PSD4: variants seen among roughly 807,000 people sequenced by gnomAD.
PSD4 encodes the protein pleckstrin and Sec7 domain containing 4, also known as PH and SEC7 domain-containing protein 4.
A neutral mutation model predicts 112.5 loss-of-function variants in PSD4; 59 were observed. The ratio of observed to expected loss-of-function variants is 0.52; its 90% CI spans 0.43 to 0.65. The LOEUF is 0.65. PSD4 is among the 30% of genes least tolerant of loss of function. The pLI is 0.00. For synonymous variants in PSD4, 533 were observed against 540.0 expected (o/e 0.99, Z 0.18); for missense variants, 1,267 against 1,352.6 (o/e 0.94, Z 0.99).
Position 113,196,248 on chromosome 2 carries a change from C to G in PSD4, c.2327C>G (p.Pro776Arg), listed in dbSNP as rs1438233927. Residue 776 changes from proline to arginine, a missense_variant, in exon 12 of 17, where the codon CCC becomes CGC. Transcript: ENST00000245796. Reference sequence around the variant, plus strand: ...CAGCTGGCTCAGGATCCCACAGTGCCCACCTACAAGCAGGGCATCCTGGCT... The same window carrying G: ...CAGCTGGCTCAGGATCCCACAGTGCGCACCTACAAGCAGGGCATCCTGGCT... ...FLQLAQDPTV[P>R]TYKQGILARK... The G allele has an allele frequency of 6.2e-7, 1 of 1,614,096 alleles. No individual in the cohort carries two copies. Among genetic ancestry groups the G allele is most frequent in the Non-Finnish European group, 8.5e-7 (1 of 1,179,936 alleles).
intron 15 of PSD4, 35 bp downstream of exon 15, chr2:113,198,919 A>C (rs1293455320): frequency 1.3e-6 from 2 of 1,546,276 alleles, no homozygotes; most frequent in Non-Finnish European, 1.7e-6. Flanking sequence ...GTCCGGCGGA[A>C]CTGGGAATGT....
intron 10 of PSD4, among the ~76,000 whole-genome samples, chr2:113,195,297 A>G (rs995621778): frequency 2.0e-5 from 3 of 151,682 alleles, no homozygotes; most frequent in African/African-American, 7.3e-5. Flanking sequence ...AGTAGCTGGG[A>G]TTACAGGTGT....
chr2:113,193,657 C>T lies in PSD4; in HGVS notation c.2091+7C>T, dbSNP rs200820181. Reference sequence around the variant, plus strand: ...CACGGACCTGCATGGACAGGTAAGACGGTGGAGAGAGTCCCTGTGGGAACT... The same window carrying T: ...CACGGACCTGCATGGACAGGTAAGATGGTGGAGAGAGTCCCTGTGGGAACT... On this transcript the variant is annotated splice_region_variant and intron_variant, in intron 9 of 16. Coordinates refer to ENST00000245796, the MANE Select transcript of PSD4 (RefSeq NM_012455.3). The T allele has an allele frequency of 6.0e-5, 97 of 1,611,840 alleles. No individual in the cohort carries two copies. Among genetic ancestry groups the T allele is most frequent in the Admixed American group, 4.3e-4 (26 of 60,010 alleles).
intron 11 of PSD4, 29 bp from the exon 12 acceptor site, chr2:113,196,118 C>G: frequency 3.8e-6 from 6 of 1,594,762 alleles, no homozygotes; most frequent in Non-Finnish European, 5.1e-6. Flanking sequence ...GCATAGTCAG[C>G]ACTTCCAGCC....
At chr2:113,180,305 C>T (rs1390636699) in intron 1 of PSD4, among the ~76,000 whole-genome samples, 2 of 152,230 alleles carry the variant, frequency 1.3e-5, no homozygotes, top group African/African-American at 4.8e-5. Flanking sequence ...CAGGCTTATC[C>T]ACTCAGTTGT....
chr2:113,199,116 G>A lies in PSD4; in HGVS notation c.2803G>A (p.Asp935Asn), dbSNP rs1414133155. 6 of 1,531,770 alleles carry A rather than the reference G, an allele frequency of 3.9e-6. No homozygotes were observed. The highest frequency in any genetic ancestry group is 5.3e-6 in the Non-Finnish European group (6 of 1,141,238). The allele number at this position is 1,531,770 out of a possible 1,614,324, so 94.9% of individuals were successfully genotyped here. A position where few individuals can be genotyped will look rare whatever the true frequency, so the allele number is the denominator to read the frequency against. ...EQHRSHENCLDAAADDLLDLQ... is the reference protein window; with the variant it reads ...EQHRSHENCLNAAADDLLDLQ... ...GCATCGATCCCACGAGAACTGCCTG[G>A]ACGCTGCCGCGGACGACCTGCTGGA... The change falls in exon 16 of 17, where the codon GAC (aspartate) becomes AAC (asparagine). Residue 935 changes from aspartate to asparagine, a missense_variant. Physicochemically the swap from Asp to Asn is conservative, Grantham distance 23. This residue lies in a region of PSD4 where 544 missense variants were observed against 648.6 expected (regional missense o/e 0.84). Coordinates refer to ENST00000245796, the MANE Select transcript of PSD4 (RefSeq NM_012455.3).
At position 113,208,740 on chromosome 2, in the gene PSD4, A is replaced by T. The variant is rs1287422267; in HGVS notation, c.*7325A>T. 6 of 152,228 alleles carry T rather than the reference A, an allele frequency of 3.9e-5. No homozygotes were observed. Among genetic ancestry groups the T allele is most frequent in the Non-Finnish European group, 8.8e-5 (6 of 68,060 alleles). 9.4% of individuals were successfully genotyped at this position (152,228 alleles called of 1,614,324 possible). A position where few individuals can be genotyped will look rare whatever the true frequency, so the allele number is the denominator to read the frequency against. On this transcript the variant is annotated 3_prime_UTR_variant, in exon 17 of 17. Transcript: ENST00000245796. ...TGGCCTCCTCCCTCTACATGTCCACATTCGCTGCTCTGACCCTGAGTTGGA... is the reference window on the plus strand; with the variant it reads ...TGGCCTCCTCCCTCTACATGTCCACTTTCGCTGCTCTGACCCTGAGTTGGA...
chr2:113,193,329 G>C lies in PSD4; in HGVS notation c.1991G>C (p.Arg664Thr). 1 of 1,603,910 alleles carries C rather than the reference G, an allele frequency of 6.2e-7. No homozygotes were observed. The highest frequency in any genetic ancestry group is 8.5e-7 in the Non-Finnish European group (1 of 1,177,046). Reference protein sequence around the residue: ...ERERILYQFSRRFHHCNPGIF... With the variant: ...ERERILYQFSTRFHHCNPGIF... The stretch of plus-strand genomic sequence containing the variant: ...GAGCGAATCCTCTACCAGTTCTCCA[G>C]ACGCTTCCACCATTGCAATCCGGGG... Residue 664 changes from arginine to threonine, a missense_variant, in exon 8 of 17, where the codon AGA becomes ACA. This residue lies in a region of PSD4 where 544 missense variants were observed against 648.6 expected (regional missense o/e 0.84). Transcript: ENST00000245796.
chr2:113,180,958 C>G (rs1688117295), intron 1 of PSD4, among the ~76,000 whole-genome samples: 1 of 151,946 alleles, frequency 6.6e-6, no homozygotes, highest in African/African-American at 2.4e-5. Flanking sequence ...CGGCTCACAC[C>G]TATAATCCCA....
Position 113,199,213 on chromosome 2 carries a change from A to G in PSD4, c.2900A>G (p.Tyr967Cys). The G allele has an allele frequency of 6.6e-7, 1 of 1,508,200 alleles. No homozygotes were observed. The highest frequency in any genetic ancestry group is 8.8e-7 in the Non-Finnish European group (1 of 1,132,772). 93.4% of individuals were successfully genotyped at this position (1,508,200 alleles called of 1,614,324 possible). A position where few individuals can be genotyped will look rare whatever the true frequency, so the allele number is the denominator to read the frequency against. The stretch of plus-strand genomic sequence containing the variant: ...GAGGAGCACCGCCTGCGGAAGGAGT[A>G]CCTGGAGTACGAGGTGAGCGGCCGA... ...ELEEHRLRKE[Y>C]LEYEKTRYET... Residue 967 changes from tyrosine to cysteine, a missense_variant, in exon 16 of 17, where the codon TAC becomes TGC. Around this residue, in one of 2 missense-constraint regions of PSD4, gnomAD observed 544 missense variants for 648.6 expected, o/e 0.84. Coordinates refer to ENST00000245796, the MANE Select transcript of PSD4 (RefSeq NM_012455.3).
At chr2:113,179,605 C>T (rs45560237) in intron 1 of PSD4, among the ~76,000 whole-genome samples, 4,525 of 152,228 alleles carry the variant, frequency 0.03, 90 homozygotes, top group African/African-American at 0.062. Context: ...TATCTTGAGC[C>T]GACCTCTTAT....
chr2:113,186,046 A>G lies in PSD4; in HGVS notation c.1419A>G (p.Gln473=), dbSNP rs1284694376. 3.1e-6 allele frequency: 5 copies of G among 1,614,244 alleles called. No individual in the cohort carries two copies. Among genetic ancestry groups the G allele is most frequent in the Non-Finnish European group, 4.2e-6 (5 of 1,180,048 alleles). ...CCCAGGAGGGCAGCCCGCAGCTTCAACACCACAGCTCAGGCATTTTGCCCA... is the reference window on the plus strand; with the variant it reads ...CCCAGGAGGGCAGCCCGCAGCTTCAGCACCACAGCTCAGGCATTTTGCCCA... The part of the protein sequence containing the change: ...ASSQEGSPQL[Q]HHSSGILPKW... Residue 473 remains glutamine, a synonymous_variant, in exon 5 of 17, where the codon CAA becomes CAG. Coordinates refer to ENST00000245796, the MANE Select transcript of PSD4 (RefSeq NM_012455.3).
chr2:113,180,112 G>A (rs1055187528), intron 1 of PSD4, among the ~76,000 whole-genome samples: 1 of 152,178 alleles, frequency 6.6e-6, no homozygotes, highest in African/African-American at 2.4e-5. Context: ...GTGGGGCAAA[G>A]CAATGTTTTC....
rs755320874 is a variant in PSD4 at position 113,182,495 on chromosome 2, C to T, written c.39C>T (p.Pro13=). The change falls in exon 2 of 17, where the codon CCC becomes CCT. Residue 13 remains proline, a synonymous_variant. Coordinates refer to ENST00000245796, the MANE Select transcript of PSD4 (RefSeq NM_012455.3). ...ACAGACTCCCTGACCACCCCCAGCC[C>T]ATGGAAATTCTCAACCTGTACTTGG... is the stretch of plus-strand genomic sequence containing the variant. The part of the protein sequence containing the change: ...GDYRLPDHPQ[P]MEILNLYLGD... The T allele has an allele frequency of 7.4e-6, 12 of 1,613,914 alleles. No individual in the cohort carries two copies. The highest frequency in any genetic ancestry group is 9.3e-6 in the Non-Finnish European group (11 of 1,179,926).
chr2:113,188,257 T>G (rs45588332), intron 5 of PSD4, among the ~76,000 whole-genome samples: 1 of 152,194 alleles, frequency 6.6e-6, no homozygotes, highest in Admixed American at 6.5e-5. Flanking sequence ...TTTTGTTTTG[T>G]TTTGGGACAG....
Position 113,182,527 on chromosome 2 carries a change from G to T in PSD4, c.71G>T (p.Ser24Ile). 6.2e-7 allele frequency: 1 copy of T among 1,614,178 alleles called. No individual in the cohort carries two copies. The highest frequency in any genetic ancestry group is 1.1e-5 in the South Asian group (1 of 91,086). ...MEILNLYLGD[S>I]LEPHPGECPR... ...ATTCTCAACCTGTACTTGGGAGACA[G>T]CCTGGAGCCCCACCCAGGAGAGTGC... Residue 24 changes from serine (S) to isoleucine (I), a missense_variant, in exon 2 of 17, where the codon AGC becomes ATC. Ser to Ile is a moderately radical substitution (Grantham distance 142). Around this residue, in one of 2 missense-constraint regions of PSD4, gnomAD observed 723 missense variants for 704.0 expected, o/e 1.03. Coordinates refer to ENST00000245796, the MANE Select transcript of PSD4 (RefSeq NM_012455.3).
chr2:113,188,743 G>A (rs551926524), intron 5 of PSD4, among the ~76,000 whole-genome samples: 2 of 152,114 alleles, frequency 1.3e-5, no homozygotes, highest in East Asian at 1.9e-4. Flanking sequence ...ACTGCGCCCG[G>A]CTAATTTTTT....
At chr2:113,175,855 G>A (rs17043041) in intron 1 of PSD4, among the ~76,000 whole-genome samples, 10 of 152,278 alleles carry the variant, frequency 6.6e-5, no homozygotes, top group Admixed American at 2.0e-4. Context: ...GCAGGACACG[G>A]TATTTCCTGA....
At position 113,177,590 on chromosome 2, in the gene PSD4, G is replaced by A. The variant is rs910731564; in HGVS notation, c.-112+3536G>A. ...GGGGGCCTGAACCTCTTACGTCAACGCTAACCTTTAAGTTTCTAATCCACT... is the reference window on the plus strand; with the variant it reads ...GGGGGCCTGAACCTCTTACGTCAACACTAACCTTTAAGTTTCTAATCCACT... On this transcript the variant is annotated intron_variant, in intron 1 of 16. Coordinates refer to ENST00000245796, the MANE Select transcript of PSD4 (RefSeq NM_012455.3). Among the ~76,000 whole-genome samples, 6 of 152,274 alleles carry A rather than the reference G, an allele frequency of 3.9e-5. No individual in the cohort carries two copies. The South Asian group carries it at 8.3e-4, about 21-fold the overall frequency.
Sources: gnomAD v4.1 joint callset for allele counts (sites outside exome capture counted in the v4.1 genomes callset) on GRCh38, gnomAD v4.1.1 for gene constraint, gnomAD v4.1.1 regional missense constraint, MANE v1.5 for transcripts, NCBI Gene and HGNC (gene_info 2026-07-23, HGNC 2026-07-21) for gene names.